Variants in PTPRT observed in about 807,000 individuals in gnomAD.
The protein encoded by PTPRT is receptor-type tyrosine-protein phosphatase T.
PTPRT carries 56 observed loss-of-function variants against 176.8 expected under a neutral mutation model. The observed-to-expected ratio is 0.32, with a 90% CI of 0.26 to 0.40. PTPRT has a LOEUF of 0.40. PTPRT is among the 10% of genes least tolerant of loss of function. The pLI is 1.00. For missense variants in PTPRT, 1,540 were observed against 1,908.2 expected (o/e 0.81, Z 3.60); for synonymous variants, 783 against 739.0 (o/e 1.06, Z -0.96).
intron 6 of PTPRT, among the ~76,000 whole-genome samples, chr20:42,681,817 A>G (rs1192042319): frequency 6.6e-6 from 1 of 152,358 alleles, no homozygotes; most frequent in Non-Finnish European, 1.5e-5. Flanking sequence ...GGATCCATAA[A>G]GGGATACACA....
intron 12 of PTPRT, among the ~76,000 whole-genome samples, chr20:42,312,001 A>C (rs1279846162): frequency 6.6e-6 from 1 of 152,194 alleles, no homozygotes; most frequent in Admixed American, 6.5e-5. Flanking sequence ...TAAAATAGTG[A>C]ATTATAGATC....
intron 1 of PTPRT, among the ~76,000 whole-genome samples, chr20:43,132,144 A>G (rs776547359): frequency 5.3e-5 from 8 of 152,168 alleles, no homozygotes; most frequent in Non-Finnish European, 1.0e-4. Flanking sequence ...GTTACTGAAC[A>G]TTGTACTCTG....
chr20:42,779,152 G>T (rs1453432954), intron 4 of PTPRT, among the ~76,000 whole-genome samples: 2 of 152,164 alleles, frequency 1.3e-5, no homozygotes, highest in Non-Finnish European at 2.9e-5. Flanking sequence ...TACATTTGAG[G>T]GTCTGACAAA....
chr20:42,510,366 A>T (rs954896403), intron 7 of PTPRT, among the ~76,000 whole-genome samples: 6 of 152,064 alleles, frequency 3.9e-5, no homozygotes, highest in African/African-American at 1.4e-4. Context: ...AATAATAGGA[A>T]TTATTTATTT....
intron 1 of PTPRT, among the ~76,000 whole-genome samples, chr20:42,979,911 C>T (rs917640918): frequency 3.9e-5 from 3 of 76,688 alleles, no homozygotes; most frequent in African/African-American, 1.7e-4. Context: ...CCAGGGAGCA[C>T]ACAGGCATGC....
chr20:42,998,403 TAAAC>T (rs1166764212), intron 1 of PTPRT, among the ~76,000 whole-genome samples: 2 of 152,286 alleles, frequency 1.3e-5, no homozygotes, highest in South Asian at 2.1e-4. Flanking sequence ...GCAAATTAAA[TAAAC>T]AAAACGACAT....
intron 5 of PTPRT, among the ~76,000 whole-genome samples, chr20:42,759,481 C>T (rs374773300): frequency 2.6e-5 from 4 of 152,220 alleles, no homozygotes; most frequent in Admixed American, 6.5e-5. Flanking sequence ...CTGGCTAATA[C>T]GGTGAAACCC....
chr20:42,690,501 A>G (rs2075775179), intron 6 of PTPRT, among the ~76,000 whole-genome samples: 1 of 152,184 alleles, frequency 6.6e-6, no homozygotes, highest in Non-Finnish European at 1.5e-5. Context: ...GATTGAATGT[A>G]AGGAGCAAGG....
At chr20:42,125,023 A>G (rs958077555) in intron 19 of PTPRT, among the ~76,000 whole-genome samples, 29 of 152,176 alleles carry the variant, frequency 1.9e-4, no homozygotes, top group African/African-American at 6.5e-4. Flanking sequence ...CCAGGTCTCC[A>G]TGCCTTGCTT....
At chr20:43,122,095 T>G (rs1406878592) in intron 1 of PTPRT, among the ~76,000 whole-genome samples, 1 of 152,196 alleles carries the variant, frequency 6.6e-6, no homozygotes, top group Non-Finnish European at 1.5e-5. Context: ...GATCCCATCC[T>G]CAGGGTTCCT....
At chr20:43,147,644 T>C (rs1419386096) in intron 1 of PTPRT, among the ~76,000 whole-genome samples, 1 of 152,174 alleles carries the variant, frequency 6.6e-6, no homozygotes, top group African/African-American at 2.4e-5. Flanking sequence ...ATTGGAGAAT[T>C]TGATGAAAAG....
chr20:42,233,949 G>A (rs1240714744), intron 15 of PTPRT, among the ~76,000 whole-genome samples: 1 of 152,084 alleles, frequency 6.6e-6, no homozygotes, highest in Non-Finnish European at 1.5e-5. Context: ...CTTTCACACT[G>A]CTTATCTTGG....
chr20:42,733,984 A>C (rs960397863), intron 6 of PTPRT, among the ~76,000 whole-genome samples: 2 of 152,206 alleles, frequency 1.3e-5, no homozygotes, highest in African/African-American at 4.8e-5. Flanking sequence ...CAGGAGTCTC[A>C]ACTGGGAAGC....
intron 12 of PTPRT, among the ~76,000 whole-genome samples, chr20:42,299,943 G>A (rs531579544): frequency 1.6e-3 from 234 of 149,348 alleles, no homozygotes; most frequent in Non-Finnish European, 2.5e-3. Context: ...CACCGCACCC[G>A]GCCACTTTTG....
chr20:43,029,507 C>G (rs1986049059), intron 1 of PTPRT, among the ~76,000 whole-genome samples: 1 of 152,246 alleles, frequency 6.6e-6, no homozygotes. Context: ...ATCCTGCAAA[C>G]TGGCTCCAAA....
intron 18 of PTPRT, among the ~76,000 whole-genome samples, chr20:42,138,321 C>T (rs1220403738): frequency 6.6e-6 from 1 of 152,188 alleles, no homozygotes; most frequent in Non-Finnish European, 1.5e-5. Flanking sequence ...CTTACTCCTC[C>T]AGCACCCCTT....
intron 15 of PTPRT, among the ~76,000 whole-genome samples, chr20:42,206,333 G>C (rs943016108): frequency 2.0e-5 from 3 of 152,204 alleles, no homozygotes; most frequent in South Asian, 2.1e-4. Context: ...CGTGAGCGAC[G>C]CAGAAGACGG....
At chr20:42,103,169 G>A (rs1452948974) in intron 25 of PTPRT, among the ~76,000 whole-genome samples, 1 of 152,172 alleles carries the variant, frequency 6.6e-6, no homozygotes, top group African/African-American at 2.4e-5. Flanking sequence ...GGGATAAAGG[G>A]CTGGACTCTG....
chr20:42,690,388 T>C (rs1386788138), intron 6 of PTPRT, among the ~76,000 whole-genome samples: 1 of 152,140 alleles, frequency 6.6e-6, no homozygotes, highest in Non-Finnish European at 1.5e-5. Flanking sequence ...AAAGAAATGA[T>C]GGAGGCATAA....
Sources: gnomAD v4.1 joint callset for allele counts (sites outside exome capture counted in the v4.1 genomes callset) on GRCh38, gnomAD v4.1.1 for gene constraint, MANE v1.5 for transcripts, NCBI Gene and HGNC (gene_info 2026-07-23, HGNC 2026-07-21) for gene names.